CNBD1: variants seen among roughly 807,000 people sequenced by gnomAD.
CNBD1 encodes cyclic nucleotide binding domain containing 1, also known as cyclic nucleotide-binding domain-containing protein 1.
CNBD1 carries 71 observed loss-of-function variants against 54.4 expected under a neutral mutation model. The ratio of observed to expected loss-of-function variants is 1.30; its 90% CI spans 1.08 to 1.59. The LOEUF (loss-of-function observed/expected upper bound fraction) is 1.59, where lower values mean the gene tolerates loss of function less well. Ranked by LOEUF, CNBD1 falls within the 40% of genes most tolerant of loss-of-function variation. CNBD1 has a pLI of 0.00. For missense variants in CNBD1, 659 were observed against 518.0 expected (o/e 1.27, Z -2.64); for synonymous variants, 182 against 170.7 (o/e 1.07, Z -0.51).
intron 8 of CNBD1, among the ~76,000 whole-genome samples, chr8:87,327,788 A>T (rs184041179): frequency 6.6e-6 from 1 of 152,282 alleles, no homozygotes; most frequent in East Asian, 1.9e-4. Flanking sequence ...TGGGAGCTGT[A>T]GACCGGAGCT....
intron 5 of CNBD1, among the ~76,000 whole-genome samples, chr8:87,207,236 T>C (rs1813995372): frequency 1.3e-5 from 2 of 152,230 alleles, no homozygotes; most frequent in South Asian, 4.1e-4. Context: ...TGAAAACATA[T>C]TTGTAACAGT....
chr8:87,143,206 T>C (rs1211307739), intron 4 of CNBD1, among the ~76,000 whole-genome samples: 1 of 152,182 alleles, frequency 6.6e-6, no homozygotes, highest in Non-Finnish European at 1.5e-5. Context: ...CTTTAATTCC[T>C]AACATCAAGT....
chr8:86,901,344 A>T (rs1203579903), intron 2 of CNBD1, among the ~76,000 whole-genome samples: 1 of 152,178 alleles, frequency 6.6e-6, no homozygotes, highest in Non-Finnish European at 1.5e-5. Flanking sequence ...AGGAGGAAAC[A>T]ATATATAAGT....
At chr8:86,947,816 C>T (rs1807504010) in intron 4 of CNBD1, among the ~76,000 whole-genome samples, 2 of 152,080 alleles carry the variant, frequency 1.3e-5, no homozygotes, top group South Asian at 4.1e-4. Flanking sequence ...AAATTATTGA[C>T]TATAGTCATC....
At chr8:87,004,836 C>A (rs761795859) in intron 4 of CNBD1, among the ~76,000 whole-genome samples, 1 of 152,230 alleles carries the variant, frequency 6.6e-6, no homozygotes, top group Admixed American at 6.5e-5. Context: ...ATACCACTCT[C>A]AAGACTGAGC....
chr8:87,275,393 C>A (rs1042005241), intron 6 of CNBD1, among the ~76,000 whole-genome samples: 16 of 151,812 alleles, frequency 1.1e-4, no homozygotes, highest in African/African-American at 3.9e-4. Flanking sequence ...GATATTGATT[C>A]TTCCTACCCA....
At chr8:86,910,289 T>C (rs1202926503) in intron 3 of CNBD1, among the ~76,000 whole-genome samples, 1 of 152,182 alleles carries the variant, frequency 6.6e-6, no homozygotes, top group Non-Finnish European at 1.5e-5. Flanking sequence ...TCATCCCTGC[T>C]CATATTTGTA....
At chr8:87,303,035 C>G (rs1563544127) in intron 8 of CNBD1, among the ~76,000 whole-genome samples, 1 of 151,644 alleles carries the variant, frequency 6.6e-6, no homozygotes, top group South Asian at 2.1e-4. Context: ...TAGGAAGAAT[C>G]AATATCGTGA....
intron 8 of CNBD1, among the ~76,000 whole-genome samples, chr8:87,317,128 C>A (rs574276585): frequency 1.3e-5 from 2 of 151,718 alleles, no homozygotes; most frequent in East Asian, 1.9e-4. Flanking sequence ...AATATCAGTT[C>A]TATTTATCTT....
At chr8:86,991,030 T>C (rs1234955248) in intron 4 of CNBD1, among the ~76,000 whole-genome samples, 3 of 152,166 alleles carry the variant, frequency 2.0e-5, no homozygotes, top group East Asian at 3.8e-4. Context: ...TTGTTCATTT[T>C]GCATCCTGAA....
intron 4 of CNBD1, among the ~76,000 whole-genome samples, chr8:87,171,858 T>G (rs929960003): frequency 6.6e-6 from 1 of 152,030 alleles, no homozygotes; most frequent in Non-Finnish European, 1.5e-5. Context: ...AGGCTGATCT[T>G]GAACTCCTGA....
At chr8:87,261,321 G>A (rs532229487) in intron 6 of CNBD1, among the ~76,000 whole-genome samples, 1 of 152,150 alleles carries the variant, frequency 6.6e-6, no homozygotes, top group African/African-American at 2.4e-5. Context: ...CAGGTACCTT[G>A]CGGGTTCAGT....
At chr8:87,192,903 A>G (rs1813642767) in intron 4 of CNBD1, among the ~76,000 whole-genome samples, 1 of 152,202 alleles carries the variant, frequency 6.6e-6, no homozygotes, top group Non-Finnish European at 1.5e-5. Flanking sequence ...GTATTTGAAT[A>G]CAACTGCCCT....
At chr8:86,927,774 TA>T (rs1809388151) in intron 3 of CNBD1, among the ~76,000 whole-genome samples, 1 of 152,190 alleles carries the variant, frequency 6.6e-6, no homozygotes, top group African/African-American at 2.4e-5. Flanking sequence ...TTTTCACTTA[TA>T]TTTTTTAAGT....
chr8:87,372,290 G>GT (rs1351230364), intron 10 of CNBD1, among the ~76,000 whole-genome samples: 3 of 151,866 alleles, frequency 2.0e-5, no homozygotes, highest in African/African-American at 7.2e-5. Flanking sequence ...TTTTGTTTCT[G>GT]TTTTTTGATA....
At chr8:87,020,341 C>A (rs76933062) in intron 4 of CNBD1, among the ~76,000 whole-genome samples, 1 of 151,968 alleles carries the variant, frequency 6.6e-6, no homozygotes, top group Non-Finnish European at 1.5e-5. Flanking sequence ...AAACTATTAC[C>A]ACCAATCAGA....
chr8:86,914,172 C>T (rs780301810), intron 3 of CNBD1, among the ~76,000 whole-genome samples: 52 of 152,086 alleles, frequency 3.4e-4, no homozygotes, highest in Admixed American at 9.2e-4. Flanking sequence ...GGTCCTGAGG[C>T]GACATACATC....
chr8:87,183,789 T>C (rs1320811043), intron 4 of CNBD1, among the ~76,000 whole-genome samples: 2 of 152,212 alleles, frequency 1.3e-5, no homozygotes, highest in East Asian at 3.8e-4. Context: ...TTCTGGATGC[T>C]TTCAGGGGGA....
intron 4 of CNBD1, among the ~76,000 whole-genome samples, chr8:87,155,545 G>C (rs1334611300): frequency 6.6e-6 from 1 of 152,186 alleles, no homozygotes; most frequent in Non-Finnish European, 1.5e-5. Flanking sequence ...AGAATTAGGA[G>C]ACTGATTAGA....
Sources: gnomAD v4.1 joint callset for allele counts (sites outside exome capture counted in the v4.1 genomes callset) on GRCh38, gnomAD v4.1.1 for gene constraint, MANE v1.5 for transcripts, NCBI Gene and HGNC (gene_info 2026-07-23, HGNC 2026-07-21) for gene names.